The following AFAP1 variants were observed in gnomAD, a reference collection of about 807,000 sequenced individuals.
AFAP1 encodes actin filament-associated protein 1.
In AFAP1, 75 loss-of-function variants were observed where a neutral mutation model predicts 93.9. The observed-to-expected ratio is 0.80, with a 90% CI of 0.66 to 0.97. The LOEUF (loss-of-function observed/expected upper bound fraction) is 0.97, where lower values mean the gene tolerates loss of function less well. Ranked by LOEUF, AFAP1 falls within the 50% of genes least tolerant of loss-of-function variation. AFAP1 has a pLI of 0.00. For missense variants in AFAP1, 1,201 were observed against 1,050.8 expected (o/e 1.14, Z -1.98); for synonymous variants, 517 against 430.7 (o/e 1.20, Z -2.48).
rs544318952 is a variant in AFAP1, at chr4:7,937,286, A to G, written c.-3+2370T>C. Among the ~76,000 whole-genome samples the G allele has an allele frequency of 7.3e-4, 110 of 150,662 alleles. 1 individual carries two copies. Among genetic ancestry groups the G allele is most frequent in the Non-Finnish European group, 1.3e-3 (88 of 67,450 alleles). On this transcript the variant is annotated intron_variant, in intron 1 of 17. Coordinates refer to ENST00000420658, the MANE Select transcript of AFAP1 (RefSeq NM_001134647.2). The stretch of plus-strand genomic sequence containing the variant: ...AAGAAACTTCCACTTTAGAATCCAC[A>G]TTTTCAAAGGCTTCCGTTATTTACA...
intron 1 of AFAP1, among the ~76,000 whole-genome samples, chr4:7,899,857 A>AAAATAAATAAATAAATAAAT (rs10523683): frequency 2.0e-3 from 306 of 149,274 alleles, no homozygotes; most frequent in African/African-American, 3.1e-3. Flanking sequence ...GTGCTCTTTA[A>AAAATAAATAAATAAATAAAT]AAATAAATAA....
intron 11 of AFAP1, 34 bp from the exon 12 acceptor site, chr4:7,786,345 C>A: frequency 6.4e-7 from 1 of 1,556,374 alleles, no homozygotes; most frequent in Non-Finnish European, 8.9e-7. Context: ...AATCCATAAC[C>A]TGACCACCTT....
intron 1 of AFAP1, among the ~76,000 whole-genome samples, chr4:7,925,801 T>C (rs4626183): frequency 0.36 from 55,066 of 151,396 alleles, 11,174 homozygotes; most frequent in African/African-American, 0.54. Context: ...GTGGAGATCG[T>C]GCCCATGCAC....
At chr4:7,925,737 T>G (rs985394946) in intron 1 of AFAP1, among the ~76,000 whole-genome samples, 1 of 151,978 alleles carries the variant, frequency 6.6e-6, no homozygotes, top group South Asian at 2.1e-4. Context: ...CCCAGCTACT[T>G]GGCAGGCTGA....
intron 4 of AFAP1, among the ~76,000 whole-genome samples, chr4:7,854,938 A>G (rs377113378): frequency 1.3e-5 from 2 of 152,194 alleles, no homozygotes; most frequent in East Asian, 3.9e-4. Context: ...CCAGCAGGCC[A>G]CTAACTGGGG....
chr4:7,765,041 G>C (rs1714362626), intron 17 of AFAP1, among the ~76,000 whole-genome samples: 1 of 152,320 alleles, frequency 6.6e-6, no homozygotes, highest in East Asian at 1.9e-4. Flanking sequence ...AGGAGTTTGA[G>C]GCTGCAGTAA....
chr4:7,778,651 A>T, intron 14 of AFAP1, 111 bp downstream of exon 14: 1 of 1,034,156 alleles, frequency 9.7e-7, no homozygotes, highest in South Asian at 1.3e-5. Flanking sequence ...CCACCGCTCC[A>T]TCTCTCCAGC....
intron 1 of AFAP1, among the ~76,000 whole-genome samples, chr4:7,885,605 T>C (rs1487968901): frequency 6.6e-6 from 1 of 152,240 alleles, no homozygotes; most frequent in Non-Finnish European, 1.5e-5. Context: ...CGATGCCTGA[T>C]GTGGAAACAA....
At chr4:7,842,301 C>CAAAAAAAAAAAAAAAAAAAAAAAAAAAAA (rs57050150) in intron 5 of AFAP1, among the ~76,000 whole-genome samples, 3 of 94,898 alleles carry the variant, frequency 3.2e-5, no homozygotes, top group African/African-American at 4.1e-5. Context: ...CCTGGATTTA[C>CAAAAAAAAAAAAAAAAAAAAAAAAAAAAA]AAAAAAAAAA....
At chr4:7,871,114 G>A (rs1186759633) in intron 2 of AFAP1, among the ~76,000 whole-genome samples, 2 of 152,160 alleles carry the variant, frequency 1.3e-5, no homozygotes, top group Non-Finnish European at 2.9e-5. Context: ...ATAAGGCTCT[G>A]ATGCTCTCCA....
chr4:7,856,392 A>G lies in AFAP1; in HGVS notation c.226-818T>C, dbSNP rs565495564. Reference sequence around the variant, plus strand: ...CAAGTAACTGGGACTACAGGCGCCCACCACCACACCCGGCTAATTTTTGTA... The same window carrying G: ...CAAGTAACTGGGACTACAGGCGCCCGCCACCACACCCGGCTAATTTTTGTA... On this transcript the variant is annotated intron_variant, in intron 3 of 17. Transcript: ENST00000420658. Among the ~76,000 whole-genome samples the G allele has an allele frequency of 2.9e-3, 446 of 151,924 alleles. 2 individuals carry two copies. Among genetic ancestry groups the G allele is most frequent in the Non-Finnish European group, 4.9e-3 (331 of 67,968 alleles).
intron 6 of AFAP1, among the ~76,000 whole-genome samples, chr4:7,824,574 G>T (rs139041979): frequency 6.6e-6 from 1 of 152,282 alleles, no homozygotes; most frequent in East Asian, 1.9e-4. Flanking sequence ...AGTTCTCATG[G>T]TTTTTTTAGA....
intron 17 of AFAP1, among the ~76,000 whole-genome samples, chr4:7,768,411 G>A (rs141905227): frequency 0.015 from 2,249 of 152,310 alleles, 24 homozygotes; most frequent in African/African-American, 0.023. Context: ...TGCAGCTGGC[G>A]GTGCTAGGGA....
intron 4 of AFAP1, among the ~76,000 whole-genome samples, chr4:7,846,506 A>G (rs1713718602): frequency 6.6e-6 from 1 of 152,216 alleles, no homozygotes; most frequent in Non-Finnish European, 1.5e-5. Context: ...GATGATTCTC[A>G]TAGCGGCCTG....
chr4:7,863,964 C>T (rs1716063539), intron 3 of AFAP1, among the ~76,000 whole-genome samples: 1 of 152,212 alleles, frequency 6.6e-6, no homozygotes, highest in Non-Finnish European at 1.5e-5. Flanking sequence ...CCCAACTTCC[C>T]ATCACAACCC....
At chr4:7,794,323 G>C (rs1718183327) in intron 10 of AFAP1, among the ~76,000 whole-genome samples, 1 of 152,158 alleles carries the variant, frequency 6.6e-6, no homozygotes, top group Non-Finnish European at 1.5e-5. Context: ...TTAGTTTCTT[G>C]ATTAGATGAT....
intron 3 of AFAP1, among the ~76,000 whole-genome samples, chr4:7,861,698 G>C (rs1386962757): frequency 3.9e-5 from 6 of 152,244 alleles, no homozygotes; most frequent in African/African-American, 1.4e-4. Flanking sequence ...ACAGGATAGA[G>C]TGGAATCCAG....
chr4:7,786,423 G>A, intron 11 of AFAP1, 112 bp from the exon 12 acceptor site: 3 of 838,910 alleles, frequency 3.6e-6, no homozygotes, highest in Admixed American at 4.1e-5. Context: ...GAGGTCACAG[G>A]GGCAGAGAAG....
In AFAP1 at chr4:7,939,529, C is replaced by A; in HGVS notation, c.-3+127G>T. ...AGCAGGCGCGGAGCCCCCGGTACCA[C>A]CCGAGGCCGAGACAAAGCCCAGGCG... On this transcript the variant is annotated intron_variant, in intron 1 of 17. Coordinates refer to ENST00000420658, the MANE Select transcript of AFAP1 (RefSeq NM_001134647.2). This position sits in a 1 kb window ranked among gnomAD's most constrained non-coding sequence, Gnocchi z 5.6. 2.8e-6 allele frequency: 1 copy of A among 363,420 alleles called. No homozygotes were observed. Among genetic ancestry groups the A allele is most frequent in the South Asian group, 1.9e-5 (1 of 52,444 alleles). The allele number at this position is 363,420 out of a possible 1,614,324, so 22.5% of individuals were successfully genotyped here.
Sources: gnomAD v4.1 joint callset for allele counts (sites outside exome capture counted in the v4.1 genomes callset) on GRCh38, gnomAD v4.1.1 for gene constraint, Gnocchi (gnomAD v3.1) non-coding constraint, MANE v1.5 for transcripts, NCBI Gene and HGNC (gene_info 2026-07-23, HGNC 2026-07-21) for gene names.